The following AP3S2 variants were observed in gnomAD, a reference collection of about 807,000 sequenced individuals.
AP3S2 encodes the protein adaptor related protein complex 3 subunit sigma 2.
AP3S2 carries 22 observed loss-of-function variants against 23.4 expected under a neutral mutation model. The observed-to-expected ratio is 0.94, with a 90% CI of 0.67 to 1.34. AP3S2 has a LOEUF of 1.34. Ranked by LOEUF, AP3S2 falls within the 40% of genes most tolerant of loss-of-function variation. AP3S2 has a pLI of 0.00. For synonymous variants in AP3S2, 86 were observed against 87.1 expected (o/e 0.99, Z 0.07); for missense variants, 241 against 236.9 (o/e 1.02, Z -0.11).
intron 3 of AP3S2, among the ~76,000 whole-genome samples, chr15:89,874,580 G>A (rs1291874462): frequency 6.6e-6 from 1 of 152,154 alleles, no homozygotes; most frequent in Non-Finnish European, 1.5e-5. Flanking sequence ...TTTGAGACCA[G>A]CCTGGGCAAC....
intron 3 of AP3S2, 106 bp from the exon 4 acceptor site, chr15:89,871,652 T>G: frequency 8.6e-7 from 1 of 1,165,782 alleles, no homozygotes; most frequent in Non-Finnish European, 1.2e-6. Flanking sequence ...ACTATTTACT[T>G]TATGATAAAT....
intron 3 of AP3S2, among the ~76,000 whole-genome samples, chr15:89,874,298 T>C (rs1185948878): frequency 6.6e-6 from 1 of 152,220 alleles, no homozygotes; most frequent in Admixed American, 6.5e-5. Flanking sequence ...TTGAAAGCTC[T>C]ACAATCATGG....
At chr15:89,866,834 A>C (rs1486623844) in intron 4 of AP3S2, among the ~76,000 whole-genome samples, 2 of 152,074 alleles carry the variant, frequency 1.3e-5, no homozygotes, top group East Asian at 1.9e-4. Context: ...CATTCTGCCT[A>C]TCTCTCCACT....
At chr15:89,863,277 C>T (rs912356031) in intron 4 of AP3S2, among the ~76,000 whole-genome samples, 2 of 152,026 alleles carry the variant, frequency 1.3e-5, no homozygotes, top group Admixed American at 6.6e-5. Flanking sequence ...AAAGACTGGG[C>T]GTAAATCACC....
At chr15:89,880,185 C>G (rs1294580629) in intron 3 of AP3S2, among the ~76,000 whole-genome samples, 2 of 151,760 alleles carry the variant, frequency 1.3e-5, no homozygotes, top group Non-Finnish European at 2.9e-5. Flanking sequence ...ATGTAAGATT[C>G]AAAAGAAGAA....
intron 4 of AP3S2, chr15:89,850,862 G>C (rs1464209143): frequency 6.6e-6 from 1 of 152,054 alleles, no homozygotes; most frequent in Non-Finnish European, 1.5e-5. Context: ...CCACAGACCT[G>C]CATCACCACA....
rs1163958288 is a variant in AP3S2, at chr15:89,833,198, C to T, written c.*2317G>A. 1 of 152,198 alleles carries T rather than the reference C, an allele frequency of 6.6e-6. No individual in the cohort carries two copies. Among genetic ancestry groups the T allele is most frequent in the Non-Finnish European group, 1.5e-5 (1 of 68,036 alleles). The allele number at this position is 152,198 out of a possible 1,614,324, so 9.4% of individuals were successfully genotyped here. A position where few individuals can be genotyped will look rare whatever the true frequency, so the allele number is the denominator to read the frequency against. On this transcript the variant is annotated 3_prime_UTR_variant, in exon 6 of 6. Coordinates refer to ENST00000336418, the MANE Select transcript of AP3S2 (RefSeq NM_005829.5). ...CATTTACCACCTTGGGCTTCGGCTT[C>T]AACATCAGTTAAATGGAGGGACACA...
chr15:89,868,229 C>T (rs1896202226), intron 4 of AP3S2, among the ~76,000 whole-genome samples: 1 of 56,882 alleles, frequency 1.8e-5, no homozygotes, highest in Non-Finnish European at 4.1e-5. Flanking sequence ...GGTCAGCCCT[C>T]CGCCCGGCCA....
intron 1 of AP3S2, among the ~76,000 whole-genome samples, chr15:89,890,939 A>G (rs573028417): frequency 1.3e-5 from 2 of 152,170 alleles, no homozygotes; most frequent in Admixed American, 6.5e-5. Context: ...ATTAATCACT[A>G]TTTTCCTCAT....
At chr15:89,861,148 T>C (rs1423687142) in intron 4 of AP3S2, among the ~76,000 whole-genome samples, 1 of 152,188 alleles carries the variant, frequency 6.6e-6, no homozygotes, top group Non-Finnish European at 1.5e-5. Flanking sequence ...ATCTTAGTGC[T>C]CACGAGTTAA....
chr15:89,854,332 C>T (rs1415289688), intron 4 of AP3S2, among the ~76,000 whole-genome samples: 12 of 38,198 alleles, frequency 3.1e-4, no homozygotes, highest in African/African-American at 1.2e-3. Flanking sequence ...CCGCCCCGTC[C>T]GGGAGGGAGG....
chr15:89,857,561 T>C (rs1895871386), intron 4 of AP3S2, among the ~76,000 whole-genome samples: 2 of 152,210 alleles, frequency 1.3e-5, no homozygotes, highest in South Asian at 4.1e-4. Flanking sequence ...CTTAAATTCA[T>C]TTGGGAAGTA....
chr15:89,846,047 G>T (rs1281172231), intron 4 of AP3S2, among the ~76,000 whole-genome samples: 1 of 152,156 alleles, frequency 6.6e-6, no homozygotes, highest in Non-Finnish European at 1.5e-5. Flanking sequence ...AAACCAACAG[G>T]ATATCTTGAT....
chr15:89,839,010 T>C (rs2141835368), intron 4 of AP3S2, among the ~76,000 whole-genome samples: 1 of 152,298 alleles, frequency 6.6e-6, no homozygotes, highest in East Asian at 1.9e-4. Context: ...AATCCTCTGC[T>C]GTGGGGCTGT....
rs185973448 is a variant in AP3S2, at chr15:89,842,938, T to C, written c.346-5216A>G. On this transcript the variant is annotated intron_variant, in intron 4 of 5. Coordinates refer to ENST00000336418, the MANE Select transcript of AP3S2 (RefSeq NM_005829.5). ...CTCAAGGACTTTATACCCAGTCAAC[T>C]GTCCAGCAAGGGTAACAGAATGGGG... Among the ~76,000 whole-genome samples, 324 of 152,000 alleles carry C rather than the reference T, an allele frequency of 2.1e-3. 1 individual carries two copies. Among genetic ancestry groups the C allele is most frequent in the Admixed American group, 6.0e-3 (92 of 15,286 alleles).
At chr15:89,853,129 C>T (rs974021777) in intron 4 of AP3S2, among the ~76,000 whole-genome samples, 1 of 152,130 alleles carries the variant, frequency 6.6e-6, no homozygotes, top group Non-Finnish European at 1.5e-5. Context: ...GAGGCATGTC[C>T]TTCTCCTTAA....
intron 2 of AP3S2, 54 bp downstream of exon 2, chr15:89,888,995 T>G (rs1425902395): frequency 6.2e-7 from 1 of 1,602,342 alleles, no homozygotes. Flanking sequence ...GATGCAATAA[T>G]GAAGGCCACT....
At chr15:89,852,312 T>G (rs1211333060) in intron 4 of AP3S2, 1 of 152,254 alleles carries the variant, frequency 6.6e-6, no homozygotes, top group Non-Finnish European at 1.5e-5. Flanking sequence ...TAGTAAGTAC[T>G]CGGATGTTGG....
intron 1 of AP3S2, among the ~76,000 whole-genome samples, chr15:89,892,352 A>G (rs557495844): frequency 2.0e-5 from 3 of 152,234 alleles, no homozygotes; most frequent in African/African-American, 7.2e-5. Flanking sequence ...GAACATGCTA[A>G]AAAACACTGA....
Sources: gnomAD v4.1 joint callset for allele counts (sites outside exome capture counted in the v4.1 genomes callset) on GRCh38, gnomAD v4.1.1 for gene constraint, MANE v1.5 for transcripts, NCBI Gene and HGNC (gene_info 2026-07-23, HGNC 2026-07-21) for gene names.